The following LRP1B variants were observed in gnomAD, a reference collection of about 807,000 sequenced individuals.
LRP1B encodes low-density lipoprotein receptor-related protein 1B.
LRP1B carries 217 observed loss-of-function variants against 556.6 expected under a neutral mutation model. The observed-to-expected ratio is 0.39, with a 90% confidence interval of 0.35 to 0.44. The LOEUF is 0.44. LRP1B is among the 20% of genes least tolerant of loss of function. LRP1B has a pLI of 1.00. For synonymous variants in LRP1B, 2,047 were observed against 1,865.8 expected (o/e 1.10, Z -2.50); for missense variants, 5,053 against 5,620.8 (o/e 0.90, Z 3.23).
At chr2:140,765,209 C>T (rs1433203529) in intron 35 of LRP1B, among the ~76,000 whole-genome samples, 2 of 152,004 alleles carry the variant, frequency 1.3e-5, no homozygotes, top group Non-Finnish European at 2.9e-5. Flanking sequence ...TCAGTTGTTG[C>T]ATCATTGAGT....
chr2:141,315,882 C>CTTTTTTTTTTTTT (rs70991157), intron 3 of LRP1B, among the ~76,000 whole-genome samples: 5 of 18,142 alleles, frequency 2.8e-4, no homozygotes, highest in African/African-American at 4.7e-4. Flanking sequence ...TTAGTCTGGT[C>CTTTTTTTTTTTTT]TTTTTTTTTT....
intron 35 of LRP1B, among the ~76,000 whole-genome samples, chr2:140,754,492 T>C (rs904707372): frequency 2.6e-5 from 4 of 152,138 alleles, no homozygotes; most frequent in Non-Finnish European, 5.9e-5. Context: ...TGACAACAAT[T>C]ATTGAGTTAT....
At chr2:141,019,851 T>TA in intron 12 of LRP1B, 71 bp downstream of exon 12, 1 of 1,143,244 alleles carries the variant, frequency 8.7e-7, no homozygotes, top group Non-Finnish European at 1.2e-6. Context: ...ATAAAACTAT[T>TA]ATTAACTATG....
chr2:141,908,819 A>T (rs1020447303), intron 1 of LRP1B, among the ~76,000 whole-genome samples: 1 of 152,102 alleles, frequency 6.6e-6, no homozygotes, highest in Non-Finnish European at 1.5e-5. Context: ...ATTGTTCACA[A>T]ATCATTATCT....
At chr2:140,940,390 A>T (rs188404182) in intron 20 of LRP1B, among the ~76,000 whole-genome samples, 59 of 152,250 alleles carry the variant, frequency 3.9e-4, no homozygotes, top group African/African-American at 1.4e-3. Context: ...GATGAGATTA[A>T]TTTTATATTT....
chr2:141,846,786 C>A (rs1281230966), intron 1 of LRP1B, among the ~76,000 whole-genome samples: 1 of 151,158 alleles, frequency 6.6e-6, no homozygotes, highest in African/African-American at 2.4e-5. Context: ...TGAACGATAT[C>A]TTTTAATAAA....
chr2:140,287,195 T>C (rs1683184705), intron 84 of LRP1B, among the ~76,000 whole-genome samples: 1 of 151,828 alleles, frequency 6.6e-6, no homozygotes, highest in African/African-American at 2.4e-5. Flanking sequence ...CTGAAATTGT[T>C]TTAAAACATT....
chr2:140,899,539 A>T (rs993228044), intron 23 of LRP1B, among the ~76,000 whole-genome samples: 9 of 152,214 alleles, frequency 5.9e-5, no homozygotes, highest in African/African-American at 1.9e-4. Context: ...CTATGTTAAC[A>T]CTTCATATTT....
intron 1 of LRP1B, among the ~76,000 whole-genome samples, chr2:142,007,530 A>G (rs1356332562): frequency 6.6e-6 from 1 of 152,196 alleles, no homozygotes; most frequent in Non-Finnish European, 1.5e-5. Flanking sequence ...CTCAGTGTAC[A>G]TTACCTATCA....
intron 3 of LRP1B, among the ~76,000 whole-genome samples, chr2:141,257,041 C>T (rs982636329): frequency 6.6e-6 from 1 of 151,488 alleles, no homozygotes; most frequent in Non-Finnish European, 1.5e-5. Context: ...CCTAGAAAGT[C>T]TCACAAAACC....
intron 2 of LRP1B, among the ~76,000 whole-genome samples, chr2:141,710,887 A>G (rs1692333387): frequency 6.6e-6 from 1 of 152,190 alleles, no homozygotes; most frequent in South Asian, 2.1e-4. Context: ...CTTGTTTTGT[A>G]TCAATAAAGT....
intron 35 of LRP1B, among the ~76,000 whole-genome samples, chr2:140,763,735 A>C (rs1442669275): frequency 6.6e-6 from 1 of 152,092 alleles, no homozygotes; most frequent in Non-Finnish European, 1.5e-5. Flanking sequence ...CTTAACCTAA[A>C]ATGCCTTATG....
chr2:141,113,164 A>G (rs1486464023), intron 7 of LRP1B, among the ~76,000 whole-genome samples: 1 of 152,196 alleles, frequency 6.6e-6, no homozygotes, highest in Admixed American at 6.5e-5. Flanking sequence ...ATTTAAGTGA[A>G]GGCAGAACAC....
chr2:142,077,547 C>T (rs1003906788), intron 1 of LRP1B, among the ~76,000 whole-genome samples: 2 of 152,076 alleles, frequency 1.3e-5, no homozygotes. Context: ...AATAGAGCCT[C>T]CATTCATAGT....
chr2:141,824,684 C>T (rs1006713222), intron 1 of LRP1B, among the ~76,000 whole-genome samples: 2 of 152,218 alleles, frequency 1.3e-5, no homozygotes, highest in Non-Finnish European at 2.9e-5. Flanking sequence ...TTGCATAAAG[C>T]TATTAATATG....
In LRP1B at chr2:140,600,767, G is replaced by GTTTTTTTTTTTTTTTTTTTTTTTTTTTT. The variant is rs61336155; in HGVS notation, c.6989+682_6989+683insAAAAAAAAAAAAAAAAAAAAAAAAAAAA. Among the ~76,000 whole-genome samples the GTTTTTTTTTTTTTTTTTTTTTTTTTTTT allele has an allele frequency of 4.4e-4, 25 of 56,892 alleles. 3 individuals are homozygous for GTTTTTTTTTTTTTTTTTTTTTTTTTTTT. Among genetic ancestry groups the GTTTTTTTTTTTTTTTTTTTTTTTTTTTT allele is most frequent in the Non-Finnish European group, 5.4e-4 (16 of 29,572 alleles). The allele number at this position is 56,892 out of a possible 152,430, so 37.3% of individuals were successfully genotyped here. A position where few individuals can be genotyped will look rare whatever the true frequency, so the allele number is the denominator to read the frequency against. On this transcript the variant is annotated intron_variant, in intron 42 of 90. Transcript: ENST00000389484. ...CCTTACCTGTGCTTTGTTCTTCGGG[G>GTTTTTTTTTTTTTTTTTTTTTTTTTTTT]TTTTTTTTTTTTTTTTTTTTTTTTT...
chr2:141,850,755 T>C (rs539039425), intron 1 of LRP1B, among the ~76,000 whole-genome samples: 1 of 151,434 alleles, frequency 6.6e-6, no homozygotes, highest in African/African-American at 2.4e-5. Context: ...GAGGCATCCA[T>C]TGCATACCTG....
At chr2:141,391,920 C>A (rs973168456) in intron 3 of LRP1B, among the ~76,000 whole-genome samples, 3 of 152,160 alleles carry the variant, frequency 2.0e-5, no homozygotes, top group Non-Finnish European at 2.9e-5. Context: ...AATTTTACCC[C>A]TATGATGTAC....
intron 1 of LRP1B, among the ~76,000 whole-genome samples, chr2:142,109,893 C>G (rs562817248): frequency 1.3e-5 from 2 of 152,118 alleles, no homozygotes; most frequent in East Asian, 1.9e-4. Flanking sequence ...CCTCACAGGC[C>G]CCTTACCTGA....
Sources: allele counts gnomAD v4.1 joint callset (sites outside exome capture counted in the v4.1 genomes callset), GRCh38; gene constraint gnomAD v4.1.1; transcripts MANE v1.5; gene names NCBI Gene and HGNC (gene_info 2026-07-23, HGNC 2026-07-21).